DEUP1: variants seen among roughly 807,000 people sequenced by gnomAD.
DEUP1 encodes deuterosome assembly protein 1, also known as coiled-coil domain containing 67.
DEUP1 carries 82 observed loss-of-function variants against 87.4 expected under a neutral mutation model. The observed-to-expected ratio is 0.94, with a 90% CI of 0.78 to 1.13. The LOEUF (loss-of-function observed/expected upper bound fraction) is 1.13, where lower values mean the gene tolerates loss of function less well. Among genes scored for constraint, DEUP1 ranks in the 50% most tolerant of loss-of-function variants. DEUP1 has a pLI of 0.00. For synonymous variants in DEUP1, 214 were observed against 222.7 expected (o/e 0.96, Z 0.35); for missense variants, 663 against 681.5 (o/e 0.97, Z 0.30).
chr11:93,346,682 A>G (rs982691477), intron 2 of DEUP1, among the ~76,000 whole-genome samples: 2 of 152,152 alleles, frequency 1.3e-5, no homozygotes, highest in African/African-American at 4.8e-5. Flanking sequence ...TGAGCATGGA[A>G]TGTTTTTCCA....
intron 8 of DEUP1, 135 bp downstream of exon 8, chr11:93,385,678 A>G: frequency 3.7e-6 from 2 of 544,260 alleles, no homozygotes; most frequent in Non-Finnish European, 2.9e-6. Context: ...GTAATATTAA[A>G]TATTAAAAAT....
chr11:93,402,014 A>AGTT (rs1947134523), intron 11 of DEUP1, among the ~76,000 whole-genome samples: 2 of 152,072 alleles, frequency 1.3e-5, no homozygotes, highest in Non-Finnish European at 2.9e-5. Flanking sequence ...GTGGGATCAT[A>AGTT]TCAAGCTGAA....
intron 12 of DEUP1, among the ~76,000 whole-genome samples, chr11:93,409,858 GTTAGTAT>G (rs987665703): frequency 1.3e-5 from 2 of 152,044 alleles, no homozygotes; most frequent in Non-Finnish European, 2.9e-5. Flanking sequence ...TAACAAAATT[GTTAGTAT>G]TTATAATAAT....
chr11:93,332,430 A>C (rs1943538324), intron 2 of DEUP1, 142 bp downstream of exon 2: 1 of 627,646 alleles, frequency 1.6e-6, no homozygotes, highest in Admixed American at 2.5e-5. Flanking sequence ...GGAAATATGA[A>C]GTGACTGTAA....
chr11:93,407,449 A>C (rs1046403389), intron 11 of DEUP1, among the ~76,000 whole-genome samples: 1 of 152,118 alleles, frequency 6.6e-6, no homozygotes, highest in Admixed American at 6.5e-5. Context: ...ATGTGTCCCC[A>C]TAATTAAACA....
rs565558878 is a variant in DEUP1 at position 93,375,736 on chromosome 11, T to C, written c.789+4456T>C. Among the ~76,000 whole-genome samples the C allele has an allele frequency of 7.2e-5, 11 of 152,336 alleles. No homozygotes were observed. In the South Asian group the frequency reaches 2.3e-3, roughly 32 times the overall value. ...TCTATGTTCATCAGGGATATTGGTC[T>C]GTAGTTTTCTTTTTCTCTTATATCC... is the stretch of plus-strand genomic sequence containing the variant. On this transcript the variant is annotated intron_variant, in intron 7 of 13. Coordinates refer to ENST00000298050, the MANE Select transcript of DEUP1 (RefSeq NM_181645.4).
intron 11 of DEUP1, among the ~76,000 whole-genome samples, chr11:93,401,326 A>G (rs1947110513): frequency 6.6e-6 from 1 of 152,182 alleles, no homozygotes; most frequent in South Asian, 2.1e-4. Flanking sequence ...TTCCATTCTC[A>G]TGTATTGGAA....
rs532280730 is a variant in DEUP1, at chr11:93,371,988, G to A, written c.789+708G>A. On this transcript the variant is annotated intron_variant, in intron 7 of 13. Transcript: ENST00000298050. ...CTGTCGCCCAGGCTGGAGTGCAGTG[G>A]CGGGATCTCGGCTCACTGCAAGCTC... Among the ~76,000 whole-genome samples, 456 of 150,024 alleles carry A rather than the reference G, an allele frequency of 3.0e-3. 2 individuals carry two copies. The highest frequency in any genetic ancestry group is 0.011 in the African/African-American group (435 of 40,932).
intron 13 of DEUP1, among the ~76,000 whole-genome samples, chr11:93,436,015 T>TAAA (rs1565358905): frequency 1.3e-5 from 2 of 149,962 alleles, no homozygotes; most frequent in African/African-American, 5.0e-5. Context: ...AAAAAAAAAT[T>TAAA]TTTTCTGTGT....
At chr11:93,408,453 C>A (rs578058118) in intron 12 of DEUP1, 26 bp downstream of exon 12, 34 of 1,340,682 alleles carry the variant, frequency 2.5e-5, no homozygotes, top group Non-Finnish European at 3.4e-5. Flanking sequence ...TATATAAGGG[C>A]ATAAGTTTAA....
rs555269654 is a variant in DEUP1 at position 93,420,352 on chromosome 11, C to T, written c.1638+5238C>T. Among the ~76,000 whole-genome samples, 60 of 152,238 alleles carry T rather than the reference C, an allele frequency of 3.9e-4. 1 individual carries two copies. The highest frequency in any genetic ancestry group is 1.4e-3 in the African/African-American group (58 of 41,546). ...CAATAGATGCAGAAAAGGCCTTTGA[C>T]AAAATTCAACAATGCTTCATGCTAA... On this transcript the variant is annotated intron_variant, in intron 13 of 13. Coordinates refer to ENST00000298050, the MANE Select transcript of DEUP1 (RefSeq NM_181645.4).
At chr11:93,413,036 G>A (rs2134436662) in intron 12 of DEUP1, among the ~76,000 whole-genome samples, 1 of 152,184 alleles carries the variant, frequency 6.6e-6, no homozygotes, top group South Asian at 2.1e-4. Context: ...TTGAAAATAT[G>A]ATTTGTATAA....
chr11:93,358,394 A>G (rs1339653692), intron 4 of DEUP1, among the ~76,000 whole-genome samples: 1 of 152,162 alleles, frequency 6.6e-6, no homozygotes, highest in Non-Finnish European at 1.5e-5. Context: ...TGTTCTGTGG[A>G]AAACACTGTG....
chr11:93,428,195 C>G (rs534213790), intron 13 of DEUP1, among the ~76,000 whole-genome samples: 1 of 152,104 alleles, frequency 6.6e-6, no homozygotes, highest in South Asian at 2.1e-4. Context: ...GGAACCAACC[C>G]AAATGTCCAA....
At chr11:93,379,025 T>C (rs1946174235) in intron 7 of DEUP1, among the ~76,000 whole-genome samples, 1 of 152,230 alleles carries the variant, frequency 6.6e-6, no homozygotes, top group African/African-American at 2.4e-5. Context: ...CTGTTCTATT[T>C]AGTTTGCCTG....
chr11:93,408,515 G>A lies in DEUP1; in HGVS notation c.1523+88G>A, dbSNP rs115009253. 8.0e-4 allele frequency: 682 copies of A among 853,718 alleles called. 1 individual carries two copies. The African/African-American group carries it at 0.011, about 13-fold the overall frequency. 52.9% of individuals were successfully genotyped at this position (853,718 alleles called of 1,614,324 possible). On this transcript the variant is annotated intron_variant, in intron 12 of 13. Coordinates refer to ENST00000298050, the MANE Select transcript of DEUP1 (RefSeq NM_181645.4). ...AAGAATTCAAATTATAACTTTATAC[G>A]CTTTCTCTTCTGTGGTTTAAAATTT...
chr11:93,354,163 C>T (rs1944770087), intron 2 of DEUP1, among the ~76,000 whole-genome samples: 1 of 152,188 alleles, frequency 6.6e-6, no homozygotes, highest in African/African-American at 2.4e-5. Context: ...TACCCTAAAT[C>T]ATCTCTCTCA....
rs541537582 is a variant in DEUP1, at chr11:93,404,242, G to T, written c.1327-3989G>T. ...GTAGAATAGTGGAGAAAAGTGAAGGGTTTTCTCTTATTCTGCTCTTGGGTA... is the reference window on the plus strand; with the variant it reads ...GTAGAATAGTGGAGAAAAGTGAAGGTTTTTCTCTTATTCTGCTCTTGGGTA... On this transcript the variant is annotated intron_variant, in intron 11 of 13. Transcript: ENST00000298050. Among the ~76,000 whole-genome samples, 198 of 152,138 alleles carry T rather than the reference G, an allele frequency of 1.3e-3. 1 individual carries two copies. The highest frequency in any genetic ancestry group is 4.6e-3 in the African/African-American group (190 of 41,550).
chr11:93,437,754 C>T lies in DEUP1; in HGVS notation c.*35C>T. On this transcript the variant is annotated 3_prime_UTR_variant, in exon 14 of 14. Coordinates refer to ENST00000298050, the MANE Select transcript of DEUP1 (RefSeq NM_181645.4). ...CTTTTTTATTTGCTTCCCCCCCCCACCCCCGCCAAGAAAAAAAGCTCTGGC... is the reference window on the plus strand; with the variant it reads ...CTTTTTTATTTGCTTCCCCCCCCCATCCCCGCCAAGAAAAAAAGCTCTGGC... 2 of 1,026,782 alleles carry T rather than the reference C, an allele frequency of 1.9e-6. No homozygotes were observed. Among genetic ancestry groups the T allele is most frequent in the Non-Finnish European group, 1.4e-6 (1 of 708,176 alleles). 63.6% of individuals were successfully genotyped at this position (1,026,782 alleles called of 1,614,324 possible).
Sources: allele counts gnomAD v4.1 joint callset (sites outside exome capture counted in the v4.1 genomes callset), GRCh38; gene constraint gnomAD v4.1.1; transcripts MANE v1.5; gene names NCBI Gene and HGNC (gene_info 2026-07-23, HGNC 2026-07-21).